The following TTC6 variants were observed in gnomAD, a reference collection of about 807,000 sequenced individuals.
TTC6 encodes the protein tetratricopeptide repeat domain 6.
Under a neutral mutation model 210.4 loss-of-function variants are expected in TTC6, and 172 were observed. That is an observed-to-expected ratio of 0.82 (90% CI 0.72 to 0.93). TTC6 has a LOEUF of 0.93. Ranked by LOEUF, TTC6 falls within the 40% of genes least tolerant of loss-of-function variation. The probability of loss-of-function intolerance (pLI) is 0.00; values close to 1 mark genes in which losing one functional copy is unlikely to be tolerated. For synonymous variants in TTC6, 804 were observed against 819.6 expected (o/e 0.98, Z 0.32); for missense variants, 2,414 against 2,318.1 (o/e 1.04, Z -0.85).
intron 21 of TTC6, 115 bp from the exon 24 acceptor site, chr14:37,806,246 A>T (rs1291938741): frequency 1.8e-6 from 2 of 1,100,888 alleles, no homozygotes; most frequent in East Asian, 5.2e-5. Flanking sequence ...ATTTAAAATA[A>T]TCCAAAAATA....
At chr14:37,771,793 TTC>T (rs2096019794) in intron 14 of TTC6, among the ~76,000 whole-genome samples, 1 of 152,212 alleles carries the variant, frequency 6.6e-6, no homozygotes, top group South Asian at 2.1e-4. Flanking sequence ...TGAAGCCTTC[TTC>T]TCTCAGCTCG....
intron 1 of TTC6, among the ~76,000 whole-genome samples, chr14:37,623,855 A>T (rs569078606): frequency 1.4e-4 from 21 of 152,350 alleles, no homozygotes; most frequent in African/African-American, 5.1e-4. Flanking sequence ...TTTGTCCATT[A>T]TACAGACTTT....
intron 17 of TTC6, among the ~76,000 whole-genome samples, chr14:37,794,854 G>A (rs142107312): frequency 0.011 from 1,688 of 152,014 alleles, 25 homozygotes; most frequent in African/African-American, 0.038. Flanking sequence ...CTCCCAAAGC[G>A]CTCGAATTAG....
At chr14:37,806,509 A>T in exon 22 of TTC6, 1 of 1,528,676 alleles carries the variant, frequency 6.5e-7, no homozygotes, top group Non-Finnish European at 8.8e-7. Context: ...AAACATTACC[A>T]GGTATTTAAA....
chr14:37,834,636 A>G (rs139580684), intron 29 of TTC6, among the ~76,000 whole-genome samples: 1 of 152,076 alleles, frequency 6.6e-6, no homozygotes, highest in East Asian at 1.9e-4. Flanking sequence ...AAATTTCTTT[A>G]AGGTCAATAT....
chr14:37,806,551 G>A (rs1345075339), intron 22 of TTC6, 41 bp downstream of exon 24: 5 of 1,452,680 alleles, frequency 3.4e-6, no homozygotes, highest in Non-Finnish European at 4.6e-6. Context: ...AAAGTGTTAA[G>A]TTTGGTAAAA....
chr14:37,612,408 A>G (rs1355624775), intron 2 of TTC6, among the ~76,000 whole-genome samples: 1 of 152,226 alleles, frequency 6.6e-6, no homozygotes, highest in African/African-American at 2.4e-5. Context: ...GCTTACTATA[A>G]TAGGTTTTGA....
chr14:37,792,221 T>C, intron 16 of TTC6, 43 bp from the exon 19 acceptor site: 1 of 1,405,434 alleles, frequency 7.1e-7, no homozygotes, highest in South Asian at 1.3e-5. Flanking sequence ...TTTGGAATAA[T>C]TAAAAATGTT....
intron 13 of TTC6, among the ~76,000 whole-genome samples, chr14:37,752,802 G>C (rs1367567973): frequency 1.3e-5 from 2 of 151,840 alleles, no homozygotes; most frequent in African/African-American, 4.8e-5. Flanking sequence ...CTCCACTCTA[G>C]TTGAACAATT....
intron 14 of TTC6, among the ~76,000 whole-genome samples, chr14:37,771,372 T>A (rs1445929719): frequency 6.6e-6 from 1 of 152,140 alleles, no homozygotes; most frequent in African/African-American, 2.4e-5. Flanking sequence ...CTGGGGAAGT[T>A]CTCCTGGATA....
intron 6 of TTC6, among the ~76,000 whole-genome samples, chr14:37,723,002 G>T (rs996447376): frequency 1.3e-5 from 2 of 151,992 alleles, no homozygotes; most frequent in Non-Finnish European, 2.9e-5. Context: ...ATTTATATCA[G>T]TATGATTTGT....
intron 1 of TTC6, among the ~76,000 whole-genome samples, chr14:37,634,050 T>G: frequency 6.6e-6 from 1 of 152,120 alleles, no homozygotes; most frequent in African/African-American, 2.4e-5. Flanking sequence ...ATGTCCAGGT[T>G]TTAATAGAAA....
intron 6 of TTC6, among the ~76,000 whole-genome samples, chr14:37,720,786 A>G (rs2095860352): frequency 6.6e-6 from 1 of 152,210 alleles, no homozygotes; most frequent in Non-Finnish European, 1.5e-5. Context: ...AAATGACAAA[A>G]TTATACAAAT....
At chr14:37,601,301 T>C (rs1404645853) in intron 1 of TTC6, among the ~76,000 whole-genome samples, 2 of 152,200 alleles carry the variant, frequency 1.3e-5, no homozygotes, top group African/African-American at 4.8e-5. Flanking sequence ...TCATTTTTTT[T>C]CTCTCCCTTA....
intron 1 of TTC6, among the ~76,000 whole-genome samples, chr14:37,651,547 A>C (rs2095713179): frequency 6.7e-6 from 1 of 149,960 alleles, no homozygotes; most frequent in African/African-American, 2.5e-5. Flanking sequence ...CATATTAGAG[A>C]TATTTAATCT....
At chr14:37,674,952 C>G (rs2095765814) in intron 1 of TTC6, among the ~76,000 whole-genome samples, 1 of 151,960 alleles carries the variant, frequency 6.6e-6, no homozygotes, top group African/African-American at 2.4e-5. Flanking sequence ...TAGTAACTAT[C>G]ATGTATAAAT....
At chr14:37,660,357 G>C (rs2095734802) in intron 1 of TTC6, among the ~76,000 whole-genome samples, 1 of 152,086 alleles carries the variant, frequency 6.6e-6, no homozygotes, top group Admixed American at 6.6e-5. Flanking sequence ...TCATGCATTA[G>C]TTATTTTTCC....
chr14:37,713,191 A>G (rs542725003), intron 5 of TTC6, among the ~76,000 whole-genome samples: 55 of 152,196 alleles, frequency 3.6e-4, no homozygotes, highest in Non-Finnish European at 6.8e-4. Flanking sequence ...ACAAAGTCAT[A>G]ACTGGAACAC....
intron 1 of TTC6, among the ~76,000 whole-genome samples, chr14:37,646,265 C>G (rs190810628): frequency 1.3e-5 from 2 of 152,204 alleles, no homozygotes; most frequent in Non-Finnish European, 2.9e-5. Flanking sequence ...AGCTAGGCCT[C>G]TTTATAAATG....
Sources: allele counts gnomAD v4.1 joint callset (sites outside exome capture counted in the v4.1 genomes callset), GRCh38; gene constraint gnomAD v4.1.1; transcripts MANE v1.5; gene names NCBI Gene and HGNC (gene_info 2026-07-23, HGNC 2026-07-21).